Variants in TRIM26 observed in about 807,000 individuals in gnomAD.
TRIM26 encodes tripartite motif-containing protein 26.
TRIM26 carries 16 observed loss-of-function variants against 45.5 expected under a neutral mutation model. That is an observed-to-expected ratio of 0.35 (90% CI 0.24 to 0.53). TRIM26 has a LOEUF of 0.53. Ranked by LOEUF, TRIM26 falls within the 20% of genes least tolerant of loss-of-function variation. TRIM26 has a pLI of 0.92. For missense variants in TRIM26, 442 were observed against 691.1 expected, an observed-to-expected ratio of 0.64 and a Z score of 4.04; for synonymous variants, 273 against 290.4, an observed-to-expected ratio of 0.94 and a Z score of 0.61.
rs1581651992 is a variant in TRIM26 at position 30,188,306 on chromosome 6, C to T, written c.937+861G>A. ...TCTTGCAAAGCATCATCTGTTGTAACACAAGCATTCAGGGTCTCTGTAAAC... is the reference window on the plus strand; with the variant it reads ...TCTTGCAAAGCATCATCTGTTGTAATACAAGCATTCAGGGTCTCTGTAAAC... On this transcript the variant is annotated intron_variant, in intron 9 of 9. Transcript: ENST00000454678. The T allele has an allele frequency of 3.2e-5, 15 of 466,326 alleles. No homozygotes were observed. The East Asian group carries it at 7.5e-4, about 23-fold the overall frequency. The allele number at this position is 466,326 out of a possible 1,614,324, so 28.9% of individuals were successfully genotyped here.
rs769893886 is a variant in TRIM26, at chr6:30,186,196, G to C, written c.1300C>G (p.Leu434Val). 2.4e-5 allele frequency: 38 copies of C among 1,597,582 alleles called. No homozygotes were observed. The highest frequency in any genetic ancestry group is 2.6e-5 in the Non-Finnish European group (31 of 1,171,656). Residue 434 changes from leucine (L) to valine (V), a missense_variant, in exon 10 of 10, where the codon CTG becomes GTG. Physicochemically the swap from Leu to Val is conservative, Grantham distance 32. Coordinates refer to ENST00000454678, the MANE Select transcript of TRIM26 (RefSeq NM_003449.5). This position sits in a 1 kb window ranked among gnomAD's most constrained non-coding sequence, Gnocchi z 7.4. ...GCCACCCCCACCATGCAGCTTTCCAGAACTTCCTCCTCTTCCTCCTCCTCT... is the reference window on the plus strand; with the variant it reads ...GCCACCCCCACCATGCAGCTTTCCACAACTTCCTCCTCTTCCTCCTCCTCT... ...EEEEEEEEEV[L>V]ESCMVGVARD...
intron 9 of TRIM26, chr6:30,188,560 G>A (rs1357972025): frequency 4.1e-6 from 1 of 241,408 alleles, no homozygotes; most frequent in East Asian, 9.0e-5. Context: ...TCTGCTATGG[G>A]ATTTTATCCT....
intron 1 of TRIM26, among the ~76,000 whole-genome samples, chr6:30,210,240 C>G (rs987007564): frequency 1.3e-5 from 2 of 151,736 alleles, no homozygotes; most frequent in African/African-American, 4.8e-5. Context: ...ACATCCTCCC[C>G]TGCCCTGCAT....
At chr6:30,202,997 G>A (rs1777340728) in intron 2 of TRIM26, among the ~76,000 whole-genome samples, 1 of 150,750 alleles carries the variant, frequency 6.6e-6, no homozygotes, top group Non-Finnish European at 1.5e-5. Context: ...TGGGAAATTT[G>A]TAAGTAGGCT....
At chr6:30,210,510 C>T (rs3132671) in intron 1 of TRIM26, among the ~76,000 whole-genome samples, 64,200 of 151,988 alleles carry the variant, frequency 0.42, 13,725 homozygotes, top group Non-Finnish European at 0.45. Flanking sequence ...GCTTTGCATA[C>T]ACTGTATTTC....
At position 30,184,874 on chromosome 6, in the gene TRIM26, T is replaced by A. The variant is rs548521610; in HGVS notation, c.*1002A>T. On this transcript the variant is annotated 3_prime_UTR_variant, in exon 10 of 10. Transcript: ENST00000454678. The stretch of plus-strand genomic sequence containing the variant: ...TGAGAAGACATGTTACTCCCTCTCT[T>A]GACATGAAGACCTGGTGGGCTTGTG... 2 of 152,932 alleles carry A rather than the reference T, an allele frequency of 1.3e-5. No individual in the cohort carries two copies. Among genetic ancestry groups the A allele is most frequent in the African/African-American group, 4.8e-5 (2 of 41,530 alleles). The allele number at this position is 152,932 out of a possible 1,614,324, so 9.5% of individuals were successfully genotyped here.
chr6:30,204,960 G>A (rs1214365634), intron 1 of TRIM26, among the ~76,000 whole-genome samples, 195 bp from the exon 2 acceptor site: 1 of 151,950 alleles, frequency 6.6e-6, no homozygotes, highest in Non-Finnish European at 1.5e-5. Context: ...AACCAGAAGC[G>A]GCCGGGCGCG....
At chr6:30,191,534 G>A (rs1775843349) in intron 6 of TRIM26, among the ~76,000 whole-genome samples, 1 of 152,122 alleles carries the variant, frequency 6.6e-6, no homozygotes, top group African/African-American at 2.4e-5. Flanking sequence ...ACGCACCACG[G>A]GAAAAGAGAG....
Position 30,189,930 on chromosome 6 carries a change from C to A in TRIM26, c.788+83G>T. On this transcript the variant is annotated intron_variant, in intron 7 of 9. Transcript: ENST00000454678. This position sits in a 1 kb window ranked among gnomAD's most constrained non-coding sequence, Gnocchi z 5.0. ...GTACCTCTGGCACCATACCACTCCCCATGAATTCAAATGCACCTGGTCAGA... is the reference window on the plus strand; with the variant it reads ...GTACCTCTGGCACCATACCACTCCCAATGAATTCAAATGCACCTGGTCAGA... The A allele has an allele frequency of 6.5e-7, 1 of 1,550,180 alleles. No homozygotes were observed. Among genetic ancestry groups the A allele is most frequent in the East Asian group, 2.2e-5 (1 of 44,488 alleles).
At chr6:30,210,290 C>T (rs1266525560) in intron 1 of TRIM26, among the ~76,000 whole-genome samples, 1 of 152,118 alleles carries the variant, frequency 6.6e-6, no homozygotes, top group Non-Finnish European at 1.5e-5. Context: ...CCAAATCCCT[C>T]CTCGTCCTAC....
intron 1 of TRIM26, among the ~76,000 whole-genome samples, chr6:30,208,286 A>G (rs1057487622): frequency 2.0e-5 from 3 of 152,224 alleles, no homozygotes; most frequent in African/African-American, 7.2e-5. Flanking sequence ...AGCAGCAAGA[A>G]CAGTGGGCTG....
chr6:30,195,757 G>C (rs1045749094), intron 6 of TRIM26, among the ~76,000 whole-genome samples: 1 of 152,122 alleles, frequency 6.6e-6, no homozygotes. Context: ...CAGTGCAAGT[G>C]GGGGAATACC....
At position 30,196,446 on chromosome 6, in the gene TRIM26, T is replaced by C; in HGVS notation, c.765+70A>G. 1.3e-6 allele frequency: 2 copies of C among 1,495,680 alleles called. No individual in the cohort carries two copies. The highest frequency in any genetic ancestry group is 1.8e-6 in the Non-Finnish European group (2 of 1,099,886). 92.7% of individuals were successfully genotyped at this position (1,495,680 alleles called of 1,614,324 possible). A position where few individuals can be genotyped will look rare whatever the true frequency, so the allele number is the denominator to read the frequency against. ...TGAGCCCCCAAGTCTTCTAAGGTCC[T>C]GCAAGTGAATGGCAGGGCTGGGACC... is the stretch of plus-strand genomic sequence containing the variant. On this transcript the variant is annotated intron_variant, in intron 6 of 9. Coordinates refer to ENST00000454678, the MANE Select transcript of TRIM26 (RefSeq NM_003449.5). The surrounding 1 kb of genome is among the most constrained non-coding windows in gnomAD (Gnocchi z 4.9).
chr6:30,196,876 G>A lies in TRIM26; in HGVS notation c.535-130C>T. ...CAGGAATTCTACAGGATCTGGAGTG[G>A]GAGGAGCTACAGAGGGTTCCTGGTC... On this transcript the variant is annotated intron_variant, in intron 5 of 9. Transcript: ENST00000454678. This position sits in a 1 kb window ranked among gnomAD's most constrained non-coding sequence, Gnocchi z 4.9. 1 of 850,278 alleles carries A rather than the reference G, an allele frequency of 1.2e-6. No individual in the cohort carries two copies. The highest frequency in any genetic ancestry group is 1.8e-6 in the Non-Finnish European group (1 of 547,472). The allele number at this position is 850,278 out of a possible 1,614,324, so 52.7% of individuals were successfully genotyped here.
chr6:30,211,603 A>T (rs1478704869), intron 1 of TRIM26, among the ~76,000 whole-genome samples: 1 of 152,162 alleles, frequency 6.6e-6, no homozygotes, highest in East Asian at 1.9e-4. Flanking sequence ...ACAAGGGGAA[A>T]ATATTTTGCC....
At chr6:30,187,442 A>G in intron 9 of TRIM26, 1 of 499,926 alleles carries the variant, frequency 2.0e-6, no homozygotes, top group Non-Finnish European at 4.1e-6. Flanking sequence ...GGTTATGATA[A>G]AGCTCTCCCA....
chr6:30,187,567 T>A (rs1218625187), intron 9 of TRIM26: 1 of 466,948 alleles, frequency 2.1e-6, no homozygotes, highest in African/African-American at 2.0e-5. Context: ...CGGAAGGTGC[T>A]ACTCTCTGTG....
chr6:30,195,975 G>A (rs1244086384), intron 6 of TRIM26, among the ~76,000 whole-genome samples: 1 of 152,168 alleles, frequency 6.6e-6, no homozygotes, highest in Non-Finnish European at 1.5e-5. Flanking sequence ...TCTAGGAGGT[G>A]CCCCGAGGCC....
Position 30,205,870 on chromosome 6 carries a change from TG to T in TRIM26, c.-375-1106del, listed in dbSNP as rs555369960. Among the ~76,000 whole-genome samples the T allele has an allele frequency of 3.4e-4, 51 of 152,068 alleles. 1 individual carries two copies. The South Asian group carries it at 8.3e-3, about 25-fold the overall frequency. On this transcript the variant is annotated intron_variant, in intron 1 of 9. Transcript: ENST00000454678. ...CTAGATGCCACCCAGAGAGGTGCCC[TG>T]GTAGACAGTGAATCCCAAATGTGGA...
Sources: gnomAD v4.1 joint callset for allele counts (sites outside exome capture counted in the v4.1 genomes callset) on GRCh38, gnomAD v4.1.1 for gene constraint, Gnocchi (gnomAD v3.1) non-coding constraint, MANE v1.5 for transcripts, NCBI Gene and HGNC (gene_info 2026-07-23, HGNC 2026-07-21) for gene names.